MATR3: variants seen among roughly 807,000 people sequenced by gnomAD.
The protein encoded by MATR3 is matrin 3, also known as matrin-3.
In MATR3, 4 loss-of-function variants were observed where a neutral mutation model predicts 85.5. The ratio of observed to expected loss-of-function variants is 0.05; its 90% CI spans 0.02 to 0.11. The LOEUF (loss-of-function observed/expected upper bound fraction) is 0.11, where lower values mean the gene tolerates loss of function less well. Ranked by LOEUF, MATR3 falls within the 10% of genes least tolerant of loss-of-function variation. The pLI is 1.00. For missense variants in MATR3, 685 were observed against 1,016.1 expected (o/e 0.67, Z 4.43); for synonymous variants, 336 against 343.1 (o/e 0.98, Z 0.23).
intron 1 of MATR3, among the ~76,000 whole-genome samples, chr5:139,300,938 C>G (rs1168453590): frequency 6.6e-6 from 1 of 152,134 alleles, no homozygotes; most frequent in Non-Finnish European, 1.5e-5. Context: ...CTCAGCCTCC[C>G]GAGTAGCTGG....
At chr5:139,327,986 C>T (rs1392183370) in intron 14 of MATR3, among the ~76,000 whole-genome samples, 1 of 151,840 alleles carries the variant, frequency 6.6e-6, no homozygotes, top group Non-Finnish European at 1.5e-5. Context: ...CTCAGGCTCC[C>T]GAGTAGCTGG....
chr5:139,293,410 T>C (rs1167497037), upstream of MATR3: 3 of 152,356 alleles, frequency 2.0e-5, no homozygotes, highest in East Asian at 1.9e-4. Flanking sequence ...CGCGAATCCC[T>C]TCTAAGGCAT....
At chr5:139,284,086 T>C (rs1753624076) in intron 3 of MATR3, among the ~76,000 whole-genome samples, 1 of 152,216 alleles carries the variant, frequency 6.6e-6, no homozygotes, top group African/African-American at 2.4e-5. Flanking sequence ...GCCTCAGTTC[T>C]ACTGACAGTT....
At chr5:139,274,281 G>A in intron 1 of MATR3, 1 of 354,492 alleles carries the variant, frequency 2.8e-6, no homozygotes, top group Non-Finnish European at 5.5e-6. Flanking sequence ...TCGTGATCCC[G>A]AGCTTGGAGG....
intron 3 of MATR3, among the ~76,000 whole-genome samples, chr5:139,286,428 C>T (rs1252262524): frequency 3.3e-5 from 5 of 152,052 alleles, no homozygotes; most frequent in Admixed American, 2.0e-4. Context: ...CCTCCCACCT[C>T]GGCCTCCCAA....
chr5:139,294,889 G>C (rs1005614965), intron 1 of MATR3: 1 of 152,122 alleles, frequency 6.6e-6, no homozygotes, highest in Non-Finnish European at 1.5e-5. Context: ...ATTCCTATTG[G>C]ATCAGTTACA....
rs1307463743 is a variant in MATR3 at position 139,307,441 on chromosome 5, C to G, written c.26C>G (p.Ser9Cys). The change falls in exon 2 of 15, where the codon TCT (serine) becomes TGT (cysteine). Residue 9 changes from serine (S) to cysteine (C), a missense_variant. Ser to Cys is a moderately radical substitution (Grantham distance 112, BLOSUM62 -1). Transcript: ENST00000394805. This position sits in a 1 kb window ranked among gnomAD's most constrained non-coding sequence, Gnocchi z 4.4. ...ATGTCCAAGTCATTCCAGCAGTCAT[C>G]TCTCAGTAGGGACTCACAGGGTCAT... MSKSFQQSSLSRDSQGHGR... is the reference protein window; with the variant it reads MSKSFQQSCLSRDSQGHGR... The G allele has an allele frequency of 6.2e-7, 1 of 1,614,026 alleles. No individual in the cohort carries two copies. Among genetic ancestry groups the G allele is most frequent in the Non-Finnish European group, 8.5e-7 (1 of 1,179,972 alleles).
In MATR3 at chr5:139,284,340, C is replaced by T. The variant is rs1006305150; in HGVS notation, c.-178+5211C>T. 7.2e-5 allele frequency among the ~76,000 whole-genome samples: 11 copies of T among 152,196 alleles called. 1 individual carries two copies. The highest frequency in any genetic ancestry group is 6.5e-4 in the Admixed American group (10 of 15,278). ...TGATGATAATGGATTTGGCCGGGCG[C>T]GGTTGCCTATAATCCCAACACTGAG... is the stretch of plus-strand genomic sequence containing the variant. On this transcript the variant is annotated intron_variant, in intron 3 of 16. Coordinates refer to ENST00000509990, the Ensembl canonical transcript of MATR3.
chr5:139,311,234 C>T (rs1409630603), intron 2 of MATR3: 2 of 152,182 alleles, frequency 1.3e-5, no homozygotes, highest in African/African-American at 4.8e-5. Context: ...TCTGTAAGTG[C>T]TTCCCAAATT....
rs1208189109 is a variant in MATR3, at chr5:139,314,697, G to C, written c.935G>C (p.Gly312Ala). 6.2e-7 allele frequency: 1 copy of C among 1,613,800 alleles called. No homozygotes were observed. The highest frequency in any genetic ancestry group is 2.2e-5 in the East Asian group (1 of 44,830). ...SNKEWSQHIN[G>A]ASHSRRCQLL... ...CAGGAGTGGAGTCAACATATCAATG[G>C]AGCAAGTCACAGTCGTCGATGCCAG... is the stretch of plus-strand genomic sequence containing the variant. The change falls in exon 3 of 15, where the codon GGA becomes GCA. Residue 312 changes from glycine (G) to alanine (A), a missense_variant. Gly to Ala is a moderately conservative substitution (Grantham distance 60). Transcript: ENST00000394805.
intron 1 of MATR3, among the ~76,000 whole-genome samples, chr5:139,304,548 T>A (rs1362741657): frequency 2.0e-5 from 3 of 151,718 alleles, no homozygotes; most frequent in Non-Finnish European, 2.9e-5. Context: ...GTAAATGGCA[T>A]TTGTGTAGTG....
In MATR3 at chr5:139,287,448, A is replaced by G. The variant is rs1351227878; in HGVS notation, c.-178+8319A>G. Among the ~76,000 whole-genome samples, 275 of 152,080 alleles carry G rather than the reference A, an allele frequency of 1.8e-3. 2 individuals are homozygous for G. The highest frequency in any genetic ancestry group is 6.3e-3 in the African/African-American group (262 of 41,492). On this transcript the variant is annotated intron_variant, in intron 3 of 16. Transcript: ENST00000509990. ...AGCCTGGCCAATGTGGCGAAACCCC[A>G]TCTCTACTAAAAGTACAAAAATTAG... is the stretch of plus-strand genomic sequence containing the variant.
intron 14 of MATR3, among the ~76,000 whole-genome samples, chr5:139,326,539 G>A (rs1309915815): frequency 6.6e-6 from 1 of 151,354 alleles, no homozygotes; most frequent in Non-Finnish European, 1.5e-5. Flanking sequence ...TCCTGCCTCA[G>A]CCTCCCAAGT....
rs1189345129 is a variant in MATR3, at chr5:139,331,534, T to C, written c.*2139T>C. On this transcript the variant is annotated 3_prime_UTR_variant, in exon 15 of 15. Transcript: ENST00000394805. ...GATAAATCTGTAACAGCCCTTCGAT[T>C]ACGAGAAAACCTCTTTTTAGTAGGA... is the stretch of plus-strand genomic sequence containing the variant. 5.3e-5 allele frequency: 24 copies of C among 454,052 alleles called. No homozygotes were observed. The East Asian group carries it at 1.5e-3, about 29-fold the overall frequency. 28.1% of individuals were successfully genotyped at this position (454,052 alleles called of 1,614,324 possible). A position where few individuals can be genotyped will look rare whatever the true frequency, so the allele number is the denominator to read the frequency against.
chr5:139,287,490 G>A (rs1320162973), intron 3 of MATR3, among the ~76,000 whole-genome samples: 1 of 152,066 alleles, frequency 6.6e-6, no homozygotes, highest in African/African-American at 2.4e-5. Context: ...ATGTTGGCGC[G>A]CACCTGTAAT....
upstream of MATR3, among the ~76,000 whole-genome samples, chr5:139,289,908 C>T (rs570365069): frequency 2.0e-5 from 3 of 152,190 alleles, no homozygotes; most frequent in African/African-American, 7.2e-5. Context: ...TACCTGATAT[C>T]CATGTTGCTA....
chr5:139,299,882 G>A (rs1220958942), intron 1 of MATR3: 1 of 152,210 alleles, frequency 6.6e-6, no homozygotes, highest in Non-Finnish European at 1.5e-5. Flanking sequence ...AAACGCACCT[G>A]ATTTCGTCTG....
At chr5:139,311,256 CTCTA>C (rs1754957228) in intron 2 of MATR3, 1 of 151,940 alleles carries the variant, frequency 6.6e-6, no homozygotes, top group East Asian at 1.9e-4. Flanking sequence ...TTTTTTTTCT[CTCTA>C]TAAGGTATCT....
chr5:139,324,877 C>G (rs1379263157), intron 12 of MATR3, among the ~76,000 whole-genome samples: 2 of 152,066 alleles, frequency 1.3e-5, no homozygotes, highest in Non-Finnish European at 2.9e-5. Context: ...GAAGAAGTTA[C>G]TATTTTGAGC....
Sources: gnomAD v4.1 joint callset for allele counts (sites outside exome capture counted in the v4.1 genomes callset) on GRCh38, gnomAD v4.1.1 for gene constraint, Gnocchi (gnomAD v3.1) non-coding constraint, MANE v1.5 for transcripts, NCBI Gene and HGNC (gene_info 2026-07-23, HGNC 2026-07-21) for gene names.